The following SHTN1 variants were observed in gnomAD, a reference collection of about 807,000 sequenced individuals.
SHTN1 encodes shootin-1.
SHTN1 carries 42 observed loss-of-function variants against 83.1 expected under a neutral mutation model. The observed-to-expected ratio is 0.51, with a 90% confidence interval of 0.39 to 0.65. SHTN1 has a LOEUF of 0.65. SHTN1 is among the 30% of genes least tolerant of loss of function. The probability of loss-of-function intolerance (pLI) is 0.00; values close to 1 mark genes in which losing one functional copy is unlikely to be tolerated. For synonymous variants in SHTN1, 224 were observed against 247.7 expected, an observed-to-expected ratio of 0.90 and a Z score of 0.90; for missense variants, 622 against 737.8, an observed-to-expected ratio of 0.84 and a Z score of 1.82.
chr10:117,003,446 G>C (rs1310061042), intron 1 of SHTN1, among the ~76,000 whole-genome samples: 1 of 150,580 alleles, frequency 6.6e-6, no homozygotes, highest in Admixed American at 6.7e-5. Flanking sequence ...GGATATCACA[G>C]AAGAATGTGT....
chr10:117,027,657 C>A (rs1295089739), intron 2 of SHTN1, among the ~76,000 whole-genome samples: 1 of 152,070 alleles, frequency 6.6e-6, no homozygotes, highest in African/African-American at 2.4e-5. Context: ...CGCCACCACA[C>A]CCAGCTAATT....
chr10:116,891,760 T>C (rs1363627776), intron 16 of SHTN1, among the ~76,000 whole-genome samples: 2 of 152,166 alleles, frequency 1.3e-5, no homozygotes, highest in African/African-American at 4.8e-5. Flanking sequence ...AATACACTTG[T>C]CCAAAACTTC....
intron 1 of SHTN1, among the ~76,000 whole-genome samples, chr10:117,085,239 G>A (rs1219342341): frequency 3.9e-5 from 6 of 151,962 alleles, no homozygotes; most frequent in East Asian, 3.9e-4. Context: ...AAACATTATC[G>A]ATTTTGGACC....
chr10:116,965,290 GA>G (rs1378296167), intron 3 of SHTN1, among the ~76,000 whole-genome samples: 3 of 152,200 alleles, frequency 2.0e-5, no homozygotes, highest in Non-Finnish European at 2.9e-5. Flanking sequence ...GCTGAGGCAA[GA>G]GGATCACTTG....
intron 4 of SHTN1, among the ~76,000 whole-genome samples, chr10:116,955,071 A>G (rs969639242): frequency 2.1e-5 from 3 of 145,198 alleles, no homozygotes; most frequent in Middle Eastern, 3.4e-3. Context: ...TGTTTCTACT[A>G]TCTCTATTAA....
At chr10:117,051,678 A>T (rs1318460480) in intron 1 of SHTN1, among the ~76,000 whole-genome samples, 1 of 151,950 alleles carries the variant, frequency 6.6e-6, no homozygotes, top group Admixed American at 6.6e-5. Flanking sequence ...ATCTCAATTG[A>T]TCTAGTAAAA....
intron 1 of SHTN1, among the ~76,000 whole-genome samples, chr10:117,063,265 G>A (rs1045903427): frequency 2.6e-5 from 4 of 152,162 alleles, no homozygotes; most frequent in Non-Finnish European, 5.9e-5. Context: ...GTAAAAGGCA[G>A]GAAGAGGAGG....
intron 1 of SHTN1, among the ~76,000 whole-genome samples, chr10:117,074,078 T>C (rs181420030): frequency 1.3e-5 from 2 of 152,328 alleles, no homozygotes; most frequent in African/African-American, 4.8e-5. Flanking sequence ...AATATTAGTT[T>C]AAAGCATATC....
In SHTN1 at chr10:116,990,310, G is replaced by A. The variant is rs533507135; in HGVS notation, c.59-11002C>T. On this transcript the variant is annotated intron_variant, in intron 1 of 16. Coordinates refer to ENST00000355371, the MANE Select transcript of SHTN1 (RefSeq NM_001127211.3). ...TTCTTTTTTTTTTTTTTTTTGGTGTGGTTTGTCATAAAAAGGAAAATCGTA... is the reference window on the plus strand; with the variant it reads ...TTCTTTTTTTTTTTTTTTTTGGTGTAGTTTGTCATAAAAAGGAAAATCGTA... Among the ~76,000 whole-genome samples, 585 of 70,384 alleles carry A rather than the reference G, an allele frequency of 8.3e-3. 5 individuals are homozygous for A. The highest frequency in any genetic ancestry group is 0.03 in the African/African-American group (561 of 18,898). The allele number at this position is 70,384 out of a possible 152,430, so 46.2% of individuals were successfully genotyped here.
At chr10:117,004,311 T>A (rs550233313) in intron 1 of SHTN1, among the ~76,000 whole-genome samples, 2 of 152,152 alleles carry the variant, frequency 1.3e-5, no homozygotes, top group East Asian at 3.9e-4. Flanking sequence ...GTGTGGTAAC[T>A]GATGAAAAAA....
chr10:116,998,425 G>C (rs1474109417), intron 1 of SHTN1, among the ~76,000 whole-genome samples: 3 of 152,114 alleles, frequency 2.0e-5, no homozygotes, highest in South Asian at 2.1e-4. Flanking sequence ...TATTTTGAGA[G>C]AGAGAGAGAG....
At chr10:116,920,917 T>C (rs1296237210) in intron 12 of SHTN1, among the ~76,000 whole-genome samples, 1 of 152,168 alleles carries the variant, frequency 6.6e-6, no homozygotes, top group Non-Finnish European at 1.5e-5. Context: ...TTGAACATCA[T>C]TTTCAGACAC....
At chr10:117,065,203 G>T (rs1852958924) in intron 1 of SHTN1, among the ~76,000 whole-genome samples, 1 of 152,128 alleles carries the variant, frequency 6.6e-6, no homozygotes, top group South Asian at 2.1e-4. Flanking sequence ...AATACCTAAG[G>T]CATGTGGGGC....
intron 1 of SHTN1, among the ~76,000 whole-genome samples, chr10:116,981,308 G>A (rs1851011520): frequency 1.3e-5 from 2 of 152,164 alleles, no homozygotes; most frequent in African/African-American, 4.8e-5. Flanking sequence ...GCGACAGAGC[G>A]AGACTCTGTC....
chr10:117,061,151 CT>C (rs1261265582), intron 1 of SHTN1, among the ~76,000 whole-genome samples: 28 of 101,088 alleles, frequency 2.8e-4, no homozygotes, highest in Admixed American at 4.1e-4. Flanking sequence ...TTTTTTTTTT[CT>C]TTTTTTTTTT....
Position 117,046,547 on chromosome 10 carries a change from CAT to C in SHTN1, c.-123+1896_-123+1897del, listed in dbSNP as rs561749772. On this transcript the variant is annotated intron_variant, in intron 2 of 17. Transcript: ENST00000392901. Reference sequence around the variant, plus strand: ...TGTATATACCTAAGAAAACTGAAAACATATGTACACACAAAAACATGAATATT... The same window carrying C: ...TGTATATACCTAAGAAAACTGAAAACATGTACACACAAAAACATGAATATT... 3.7e-4 allele frequency among the ~76,000 whole-genome samples: 56 copies of C among 152,252 alleles called. 3 individuals carry two copies. In the South Asian group the frequency reaches 0.011, roughly 30 times the overall value.
chr10:116,905,407 T>A (rs1847931582), intron 15 of SHTN1, among the ~76,000 whole-genome samples: 1 of 152,112 alleles, frequency 6.6e-6, no homozygotes, highest in South Asian at 2.1e-4. Flanking sequence ...GTAGTTGTTT[T>A]GGGGGGCACA....
intron 9 of SHTN1, among the ~76,000 whole-genome samples, chr10:116,934,669 T>C: frequency 6.6e-6 from 1 of 152,156 alleles, no homozygotes; most frequent in East Asian, 1.9e-4. Flanking sequence ...TTCAGTTCCA[T>C]ATGAAATTTA....
rs142127063 is a variant in SHTN1, at chr10:116,968,044, T to C, written c.172+608A>G. The stretch of plus-strand genomic sequence containing the variant: ...TAAAAATACAAAAATTAGCTGGGCA[T>C]GGTGGTGTGCGCTTGTAGTTCCAGC... On this transcript the variant is annotated intron_variant, in intron 3 of 16. Transcript: ENST00000355371. Among the ~76,000 whole-genome samples, 506 of 152,202 alleles carry C rather than the reference T, an allele frequency of 3.3e-3. 4 individuals carry two copies. The highest frequency in any genetic ancestry group is 0.012 in the African/African-American group (483 of 41,516).
Sources: gnomAD v4.1 joint callset for allele counts (sites outside exome capture counted in the v4.1 genomes callset) on GRCh38, gnomAD v4.1.1 for gene constraint, MANE v1.5 for transcripts, NCBI Gene and HGNC (gene_info 2026-07-23, HGNC 2026-07-21) for gene names.